The following CNOT10 variants were observed in gnomAD, a reference collection of about 807,000 sequenced individuals.
CNOT10 encodes CCR4-NOT transcription complex, subunit 10.
Under a neutral mutation model 94.6 loss-of-function variants are expected in CNOT10, and 30 were observed. The observed-to-expected ratio is 0.32, with a 90% confidence interval of 0.24 to 0.43. CNOT10 has a LOEUF of 0.43. Among genes scored for constraint, CNOT10 ranks in the 20% least tolerant of loss-of-function variants. The pLI, the probability that CNOT10 is intolerant of heterozygous loss-of-function variation, is 1.00. For missense variants in CNOT10, 759 were observed against 877.2 expected (o/e 0.87, Z 1.70); for synonymous variants, 289 against 301.6 (o/e 0.96, Z 0.43).
intron 1 of CNOT10, among the ~76,000 whole-genome samples, chr3:32,690,774 C>G (rs1241816782): frequency 6.6e-6 from 1 of 151,942 alleles, no homozygotes; most frequent in Non-Finnish European, 1.5e-5. Context: ...GTCTCTAACT[C>G]CTGACCTCAT....
At chr3:32,747,125 C>A (rs865822791) in intron 13 of CNOT10, among the ~76,000 whole-genome samples, 70 of 150,674 alleles carry the variant, frequency 4.6e-4, no homozygotes, top group African/African-American at 1.5e-3. Context: ...TCAAAAAAAT[C>A]AATATAATAG....
chr3:32,747,776 C>T (rs1241564929), intron 13 of CNOT10, among the ~76,000 whole-genome samples: 4 of 152,090 alleles, frequency 2.6e-5, no homozygotes, highest in East Asian at 1.9e-4. Context: ...GGTGAAACCC[C>T]GTCTCTACTA....
intron 17 of CNOT10, among the ~76,000 whole-genome samples, chr3:32,768,473 C>T (rs1264210699): frequency 1.3e-5 from 2 of 152,038 alleles, no homozygotes; most frequent in African/African-American, 4.8e-5. Flanking sequence ...ATCCCAGCTA[C>T]TTGGGAGGCT....
chr3:32,770,620 C>T (rs1241091394), intron 18 of CNOT10, among the ~76,000 whole-genome samples: 3 of 151,574 alleles, frequency 2.0e-5, no homozygotes, highest in Non-Finnish European at 4.4e-5. Context: ...CCACCGCACC[C>T]GGCAAGGCTG....
chr3:32,725,365 C>T (rs1309835139), intron 8 of CNOT10, 85 bp from the exon 9 acceptor site: 1 of 994,424 alleles, frequency 1.0e-6, no homozygotes, highest in Non-Finnish European at 1.6e-6. Flanking sequence ...ACAGTGTTAA[C>T]TCGTGCAAGA....
intron 11 of CNOT10, among the ~76,000 whole-genome samples, chr3:32,734,523 A>G (rs1358876527): frequency 1.3e-5 from 2 of 152,218 alleles, no homozygotes; most frequent in Non-Finnish European, 2.9e-5. Flanking sequence ...TAACATTAAC[A>G]TTGTGATATA....
At chr3:32,693,723 G>C (rs992611884) in intron 1 of CNOT10, among the ~76,000 whole-genome samples, 3 of 151,740 alleles carry the variant, frequency 2.0e-5, no homozygotes, top group African/African-American at 7.3e-5. Context: ...TGTATTTTTT[G>C]TAGAGATGAG....
intron 14 of CNOT10, among the ~76,000 whole-genome samples, chr3:32,760,230 A>G (rs899194152): frequency 6.6e-6 from 1 of 152,070 alleles, no homozygotes; most frequent in African/African-American, 2.4e-5. Context: ...AAGCTACTGT[A>G]TCATTCCAGA....
intron 3 of CNOT10, among the ~76,000 whole-genome samples, chr3:32,706,512 C>T (rs753083106): frequency 6.6e-6 from 1 of 152,162 alleles, no homozygotes; most frequent in Non-Finnish European, 1.5e-5. Flanking sequence ...GCAGTCACAT[C>T]GGGCACAGTG....
chr3:32,721,361 C>T (rs79975878), intron 8 of CNOT10, among the ~76,000 whole-genome samples: 1,860 of 150,674 alleles, frequency 0.012, 10 homozygotes, highest in Middle Eastern at 0.024. Context: ...CGCACCTGGC[C>T]CTTTCATTTG....
chr3:32,747,494 G>C (rs1401017406), intron 13 of CNOT10, among the ~76,000 whole-genome samples: 1 of 151,592 alleles, frequency 6.6e-6, no homozygotes, highest in Non-Finnish European at 1.5e-5. Context: ...TTTTTTAAAC[G>C]TGTCTGTTAG....
At chr3:32,729,760 CTTTTTTTTTTTTTTT>C in intron 10 of CNOT10, among the ~76,000 whole-genome samples, 1 of 71,762 alleles carries the variant, frequency 1.4e-5, no homozygotes, top group East Asian at 4.6e-4. Flanking sequence ...ATTTATACTT[CTTTTTTTTTTTTTTT>C]TTTTTTTTTT....
At chr3:32,750,520 T>G (rs1450204414) in intron 13 of CNOT10, among the ~76,000 whole-genome samples, 2 of 152,044 alleles carry the variant, frequency 1.3e-5, no homozygotes, top group Admixed American at 6.6e-5. Context: ...AGAAGTAATT[T>G]CATAGATTTA....
Position 32,685,296 on chromosome 3 carries a change from T to G in CNOT10, c.-165T>G. The G allele has an allele frequency of 1.5e-6, 1 of 675,284 alleles. No homozygotes were observed. Among genetic ancestry groups the G allele is most frequent in the Non-Finnish European group, 2.5e-6 (1 of 396,310 alleles). The allele number at this position is 675,284 out of a possible 1,614,324, so 41.8% of individuals were successfully genotyped here. ...GCTAGACGACGGGAACTAGCTCTCG[T>G]CACTTCCTCAGCCCGCCGTCTGCCC... On this transcript the variant is annotated 5_prime_UTR_variant, in exon 1 of 19. Transcript: ENST00000328834.
intron 4 of CNOT10, among the ~76,000 whole-genome samples, chr3:32,712,910 C>T (rs1697953743): frequency 6.6e-6 from 1 of 152,168 alleles, no homozygotes; most frequent in African/African-American, 2.4e-5. Flanking sequence ...TAGGAATGCA[C>T]AACCTCTATT....
chr3:32,754,404 G>T (rs1341502474), intron 13 of CNOT10, among the ~76,000 whole-genome samples: 1 of 141,160 alleles, frequency 7.1e-6, no homozygotes, highest in East Asian at 2.2e-4. Flanking sequence ...ATGAACCTGG[G>T]AGGCGGAGCT....
intron 4 of CNOT10, among the ~76,000 whole-genome samples, chr3:32,712,003 T>C (rs773922382): frequency 6.6e-6 from 1 of 152,008 alleles, no homozygotes; most frequent in Non-Finnish European, 1.5e-5. Context: ...TTTATCTTCT[T>C]TTTTGAAAGG....
intron 1 of CNOT10, among the ~76,000 whole-genome samples, chr3:32,690,840 C>T (rs974170896): frequency 2.0e-5 from 3 of 151,876 alleles, no homozygotes; most frequent in Non-Finnish European, 4.4e-5. Context: ...AGCCACCGCG[C>T]CCAGACTTAT....
In CNOT10 at chr3:32,769,900, T is replaced by C. The variant is rs1462245966; in HGVS notation, c.2018T>C (p.Ile673Thr). 1 of 1,613,838 alleles carries C rather than the reference T, an allele frequency of 6.2e-7. No individual in the cohort carries two copies. The highest frequency in any genetic ancestry group is 1.3e-5 in the African/African-American group (1 of 74,942). The change falls in exon 18 of 19, where the codon ATC becomes ACC. Residue 673 changes from isoleucine to threonine, a missense_variant. Physicochemically the swap from Ile to Thr is moderately conservative, Grantham distance 89 (BLOSUM62 -1). Around this residue, in one of 3 missense-constraint regions of CNOT10, gnomAD observed 682 missense variants for 799.4 expected, o/e 0.85. Coordinates refer to ENST00000328834, the MANE Select transcript of CNOT10 (RefSeq NM_015442.3). ...TTTTGAGCAAAGGCGGCTTCAATGA[T>C]CCATCCTAAAGAGGTGCCCCCTGAG... is the stretch of plus-strand genomic sequence containing the variant. ...RKCLHQAASM[I>T]HPKEVPPEAI...
Sources: allele counts gnomAD v4.1 joint callset (sites outside exome capture counted in the v4.1 genomes callset), GRCh38; gene constraint gnomAD v4.1.1; regional missense constraint gnomAD v4.1.1; transcripts MANE v1.5; gene names NCBI Gene and HGNC (gene_info 2026-07-23, HGNC 2026-07-21).